The following KAZN variants were observed in gnomAD, a reference collection of about 807,000 sequenced individuals.
The protein encoded by KAZN is kazrin, periplakin interacting protein.
Under a neutral mutation model 87.4 loss-of-function variants are expected in KAZN, and 40 were observed. That is an observed-to-expected ratio of 0.46 (90% CI 0.36 to 0.60). The LOEUF is 0.60. Ranked by LOEUF, KAZN falls within the 20% of genes least tolerant of loss-of-function variation. KAZN has a pLI of 0.00. For missense variants in KAZN, 898 were observed against 1,073.9 expected, an observed-to-expected ratio of 0.84 and a Z score of 2.29; for synonymous variants, 466 against 458.3, an observed-to-expected ratio of 1.02 and a Z score of -0.22.
In KAZN at chr1:15,033,321, T is replaced by C. The variant is rs1031034757; in HGVS notation, c.419-1428T>C. Among the ~76,000 whole-genome samples the C allele has an allele frequency of 3.9e-5, 6 of 152,388 alleles. No individual in the cohort carries two copies. The East Asian group carries it at 5.8e-4, about 15-fold the overall frequency. On this transcript the variant is annotated intron_variant, in intron 2 of 14. Coordinates refer to ENST00000376030, the MANE Select transcript of KAZN (RefSeq NM_201628.3). ...TCTCATTTTGCTTATTAGTCATCCA[T>C]TGGTGGACTTTCGAGTTATTTTCAC... is the stretch of plus-strand genomic sequence containing the variant.
At chr1:14,587,266 T>A (rs940322287) in intron 2 of KAZN, among the ~76,000 whole-genome samples, 3 of 151,740 alleles carry the variant, frequency 2.0e-5, no homozygotes, top group African/African-American at 7.3e-5. Flanking sequence ...TGAAACCCCA[T>A]CTCTACTAAA....
chr1:14,567,373 A>G (rs1674605400), intron 2 of KAZN, among the ~76,000 whole-genome samples: 1 of 152,206 alleles, frequency 6.6e-6, no homozygotes, highest in Non-Finnish European at 1.5e-5. Context: ...ATCAAAGATC[A>G]CTGATCATCA....
intron 2 of KAZN, among the ~76,000 whole-genome samples, chr1:14,460,549 G>A (rs974770803): frequency 2.1e-4 from 32 of 152,314 alleles, no homozygotes; most frequent in Middle Eastern, 3.4e-3. Context: ...CTGTGAACCT[G>A]TGCCCTGATC....
At chr1:15,092,797 T>C (rs894967223) in intron 8 of KAZN, among the ~76,000 whole-genome samples, 1 of 152,148 alleles carries the variant, frequency 6.6e-6, no homozygotes, top group African/African-American at 2.4e-5. Flanking sequence ...TATCGAACCC[T>C]CTTTTAGAGA....
At chr1:14,958,869 G>A (rs905855764) in intron 1 of KAZN, among the ~76,000 whole-genome samples, 4 of 152,206 alleles carry the variant, frequency 2.6e-5, no homozygotes, top group African/African-American at 9.7e-5. Context: ...CGTGCAGAGG[G>A]TGGGACGGCC....
chr1:14,930,110 G>C, intron 1 of KAZN: 1 of 982,844 alleles, frequency 1.0e-6, no homozygotes, highest in South Asian at 4.7e-5. Flanking sequence ...CTAAGCAGCG[G>C]GGAGCTGGTG....
chr1:13,954,054 G>T (rs1232266242), intron 1 of KAZN, among the ~76,000 whole-genome samples: 1 of 152,140 alleles, frequency 6.6e-6, no homozygotes, highest in Admixed American at 6.5e-5. Flanking sequence ...CCATGCATTT[G>T]TTGGAAAATT....
At chr1:14,158,483 T>C (rs1283728580) in intron 1 of KAZN, among the ~76,000 whole-genome samples, 1 of 152,190 alleles carries the variant, frequency 6.6e-6, no homozygotes, top group Non-Finnish European at 1.5e-5. Flanking sequence ...CTCTTTGTTA[T>C]ATTTATTTGA....
At chr1:13,907,422 C>CGGGTTATG (rs1265645009) in intron 1 of KAZN, among the ~76,000 whole-genome samples, 2 of 146,992 alleles carry the variant, frequency 1.4e-5, no homozygotes, top group Non-Finnish European at 3.0e-5. Flanking sequence ...ACCCCAGCCC[C>CGGGTTATG]GGGGTATGGG....
intron 2 of KAZN, among the ~76,000 whole-genome samples, chr1:14,523,170 A>T (rs1671676406): frequency 6.6e-6 from 1 of 152,154 alleles, no homozygotes; most frequent in Non-Finnish European, 1.5e-5. Flanking sequence ...CCCCACTGGC[A>T]TCCTCACCAA....
chr1:14,971,682 T>C (rs1024815211), intron 2 of KAZN, among the ~76,000 whole-genome samples: 7 of 91,922 alleles, frequency 7.6e-5, no homozygotes, highest in Non-Finnish European at 1.3e-4. Context: ...TTTCTTTTTC[T>C]TTTTTTTTTT....
At chr1:14,775,067 T>C (rs1645137197) in intron 1 of KAZN, among the ~76,000 whole-genome samples, 2 of 152,206 alleles carry the variant, frequency 1.3e-5, no homozygotes, top group South Asian at 4.1e-4. Context: ...ACCCACACTC[T>C]GCACCTAAGA....
At chr1:14,057,521 A>G (rs4662101) in intron 1 of KAZN, among the ~76,000 whole-genome samples, 139,164 of 152,250 alleles carry the variant, frequency 0.91, 63,705 homozygotes, top group Admixed American at 0.95. Flanking sequence ...CTCACTTCAT[A>G]TGTGGGCCAG....
chr1:14,028,923 G>A lies in KAZN; in HGVS notation c.91+135167G>A, dbSNP rs552102387. ...AGTCTTTGCTATTGTGAATAATGCC[G>A]CAATAAACATACTTGTGCATGTGTC... On this transcript the variant is annotated intron_variant, in intron 1 of 16. Transcript: ENST00000636203. 4.5e-4 allele frequency among the ~76,000 whole-genome samples: 68 copies of A among 152,226 alleles called. No individual in the cohort carries two copies. In the East Asian group the frequency reaches 4.8e-3, roughly 11 times the overall value.
At chr1:14,347,002 A>T (rs2789749) in intron 2 of KAZN, among the ~76,000 whole-genome samples, 146,656 of 152,072 alleles carry the variant, frequency 0.96, 70,749 homozygotes, top group South Asian at 0.98. Flanking sequence ...AAGGAAATAC[A>T]ACATTACATC....
chr1:14,924,330 C>T, intron 1 of KAZN: 1 of 987,054 alleles, frequency 1.0e-6, no homozygotes. Context: ...GAGCCCCTCG[C>T]GCAGCCGCTG....
intron 8 of KAZN, among the ~76,000 whole-genome samples, chr1:15,069,134 C>T (rs1639394839): frequency 6.6e-6 from 1 of 152,104 alleles, no homozygotes; most frequent in South Asian, 2.1e-4. Flanking sequence ...CTGAGCTGAT[C>T]TGAGGAGGGC....
At chr1:14,678,751 G>C (rs1194938023) in intron 1 of KAZN, among the ~76,000 whole-genome samples, 1 of 152,300 alleles carries the variant, frequency 6.6e-6, no homozygotes, top group South Asian at 2.1e-4. Context: ...TACTCAGCAA[G>C]CCTTTGCTAT....
chr1:15,051,186 G>A (rs1259350325), intron 4 of KAZN, among the ~76,000 whole-genome samples: 2 of 152,264 alleles, frequency 1.3e-5, no homozygotes, highest in East Asian at 1.9e-4. Flanking sequence ...ATCTGCTGAA[G>A]GACCTGGTAG....
Sources: allele counts gnomAD v4.1 joint callset (sites outside exome capture counted in the v4.1 genomes callset), GRCh38; gene constraint gnomAD v4.1.1; transcripts MANE v1.5; gene names NCBI Gene and HGNC (gene_info 2026-07-23, HGNC 2026-07-21).